Variants in DPP10 observed in about 807,000 individuals in gnomAD.
DPP10 encodes dipeptidyl peptidase like 10.
In DPP10, 33 loss-of-function variants were observed where a neutral mutation model predicts 120.9. The observed-to-expected ratio is 0.27, with a 90% confidence interval of 0.21 to 0.37. The LOEUF is 0.37. DPP10 is among the 10% of genes least tolerant of loss of function. The pLI, the probability that DPP10 is intolerant of heterozygous loss-of-function variation, is 1.00. For synonymous variants in DPP10, 337 were observed against 326.1 expected (o/e 1.03, Z -0.36); for missense variants, 816 against 942.8 (o/e 0.87, Z 1.76).
At chr2:115,556,218 A>G (rs1224599416) in intron 5 of DPP10, among the ~76,000 whole-genome samples, 1 of 152,068 alleles carries the variant, frequency 6.6e-6, no homozygotes, top group Non-Finnish European at 1.5e-5. Flanking sequence ...GAATACAAAT[A>G]TTGAAAAAAA....
At chr2:114,542,285 T>A (rs1218875853) in intron 1 of DPP10, among the ~76,000 whole-genome samples, 2 of 151,986 alleles carry the variant, frequency 1.3e-5, no homozygotes, top group Non-Finnish European at 2.9e-5. Context: ...TGACCTCAGT[T>A]GATCCACAAG....
chr2:115,177,118 A>C (rs564442722), intron 1 of DPP10, among the ~76,000 whole-genome samples: 15 of 152,314 alleles, frequency 9.8e-5, no homozygotes, highest in Non-Finnish European at 1.9e-4. Context: ...CTGACTTTTT[A>C]ATTGTGCATA....
intron 1 of DPP10, among the ~76,000 whole-genome samples, chr2:114,510,210 A>T (rs1157891840): frequency 6.6e-6 from 1 of 152,146 alleles, no homozygotes; most frequent in Non-Finnish European, 1.5e-5. Flanking sequence ...GTGAATAGAG[A>T]CTTTGCACTA....
intron 1 of DPP10, among the ~76,000 whole-genome samples, chr2:115,014,467 A>C (rs1418868070): frequency 2.0e-5 from 3 of 152,120 alleles, no homozygotes; most frequent in African/African-American, 7.2e-5. Flanking sequence ...ATTCAAAACT[A>C]GCAGAAGACA....
At chr2:115,046,664 G>T (rs1032987179) in intron 1 of DPP10, among the ~76,000 whole-genome samples, 23 of 152,040 alleles carry the variant, frequency 1.5e-4, no homozygotes, top group African/African-American at 5.6e-4. Context: ...AAAATACCTT[G>T]TAAACGATGA....
At chr2:114,572,438 C>T (rs898214420) in intron 1 of DPP10, among the ~76,000 whole-genome samples, 2 of 152,070 alleles carry the variant, frequency 1.3e-5, no homozygotes, top group African/African-American at 2.4e-5. Flanking sequence ...ATAATAATCA[C>T]CAAAATTAAT....
intron 1 of DPP10, among the ~76,000 whole-genome samples, chr2:114,498,558 G>A (rs1682878773): frequency 6.6e-6 from 1 of 152,208 alleles, no homozygotes; most frequent in Non-Finnish European, 1.5e-5. Context: ...GAAGTCCAAG[G>A]TATGATGCCC....
intron 1 of DPP10, among the ~76,000 whole-genome samples, chr2:114,514,000 C>A (rs535397547): frequency 6.6e-6 from 1 of 152,264 alleles, no homozygotes; most frequent in South Asian, 2.1e-4. Flanking sequence ...GGGTTTGAAT[C>A]GAAAGCAGGG....
At chr2:114,709,456 A>G (rs1393102129) in intron 1 of DPP10, among the ~76,000 whole-genome samples, 1 of 152,146 alleles carries the variant, frequency 6.6e-6, no homozygotes, top group Non-Finnish European at 1.5e-5. Flanking sequence ...TTTCAATACA[A>G]TAACTAATTT....
intron 1 of DPP10, among the ~76,000 whole-genome samples, chr2:115,058,731 A>G (rs1169439464): frequency 1.4e-5 from 2 of 142,636 alleles, no homozygotes; most frequent in African/African-American, 2.6e-5. Flanking sequence ...CCTGAAACAA[A>G]GAAAAAGTCA....
chr2:114,872,402 C>T (rs1183994714), intron 1 of DPP10, among the ~76,000 whole-genome samples: 1 of 152,102 alleles, frequency 6.6e-6, no homozygotes, highest in Non-Finnish European at 1.5e-5. Flanking sequence ...GGTCCCTCCC[C>T]CAACACGTGG....
At chr2:115,332,335 C>T (rs1036308012) in intron 2 of DPP10, among the ~76,000 whole-genome samples, 7 of 151,976 alleles carry the variant, frequency 4.6e-5, no homozygotes, top group African/African-American at 1.7e-4. Context: ...ATTAGTTTTG[C>T]TAGTGGTCTA....
At chr2:114,671,261 GT>G (rs1698320840) in intron 1 of DPP10, among the ~76,000 whole-genome samples, 1 of 152,150 alleles carries the variant, frequency 6.6e-6, no homozygotes, top group Non-Finnish European at 1.5e-5. Context: ...GTTCTATGAA[GT>G]TTGCACGATG....
At chr2:115,098,219 A>C (rs2104601337) in intron 1 of DPP10, among the ~76,000 whole-genome samples, 1 of 152,280 alleles carries the variant, frequency 6.6e-6, no homozygotes, top group Non-Finnish European at 1.5e-5. Context: ...GCTTTCAGCC[A>C]AAAACACTCC....
intron 5 of DPP10, among the ~76,000 whole-genome samples, chr2:115,644,606 A>G (rs2087074711): frequency 6.8e-6 from 1 of 148,058 alleles, no homozygotes; most frequent in African/African-American, 2.6e-5. Context: ...CTCCGTCTCT[A>G]TAAGGTATTT....
intron 2 of DPP10, among the ~76,000 whole-genome samples, chr2:115,319,320 T>C (rs919669516): frequency 2.6e-5 from 4 of 152,128 alleles, no homozygotes; most frequent in Non-Finnish European, 5.9e-5. Context: ...GATTTTTACA[T>C]CTGTATTTAT....
intron 3 of DPP10, among the ~76,000 whole-genome samples, chr2:115,352,086 C>T (rs2064071265): frequency 6.6e-6 from 1 of 151,800 alleles, no homozygotes; most frequent in African/African-American, 2.4e-5. Flanking sequence ...TCAGTGTTAA[C>T]ATTTAGGAAC....
At chr2:115,476,508 C>G (rs1459893088) in intron 3 of DPP10, among the ~76,000 whole-genome samples, 1 of 152,056 alleles carries the variant, frequency 6.6e-6, no homozygotes, top group Non-Finnish European at 1.5e-5. Flanking sequence ...ATACAGAGAG[C>G]CAATGCATCA....
chr2:114,838,999 G>T (rs1687949721), intron 1 of DPP10, among the ~76,000 whole-genome samples: 1 of 152,010 alleles, frequency 6.6e-6, no homozygotes, highest in Non-Finnish European at 1.5e-5. Flanking sequence ...CATATCCTCT[G>T]TTTTTTAATA....
Sources: gnomAD v4.1 joint callset for allele counts (sites outside exome capture counted in the v4.1 genomes callset) on GRCh38, gnomAD v4.1.1 for gene constraint, MANE v1.5 for transcripts, NCBI Gene and HGNC (gene_info 2026-07-23, HGNC 2026-07-21) for gene names.